The following STARD13 variants were observed in gnomAD, a reference collection of about 807,000 sequenced individuals.
STARD13 encodes the protein stAR-related lipid transfer protein 13.
Under a neutral mutation model 106.4 loss-of-function variants are expected in STARD13, and 62 were observed. The observed-to-expected ratio is 0.58, with a 90% confidence interval of 0.48 to 0.72. The LOEUF (loss-of-function observed/expected upper bound fraction) is 0.72. Ranked by LOEUF, STARD13 falls within the 30% of genes least tolerant of loss-of-function variation. STARD13 has a pLI of 0.00. For synonymous variants in STARD13, 565 were observed against 553.0 expected (o/e 1.02, Z -0.31); for missense variants, 1,387 against 1,424.0 (o/e 0.97, Z 0.42).
chr13:33,198,803 A>G (rs1434593918), intron 1 of STARD13, among the ~76,000 whole-genome samples: 6 of 152,200 alleles, frequency 3.9e-5, no homozygotes, highest in Non-Finnish European at 5.9e-5. Context: ...ATGGACCTAT[A>G]AATGGTGCTA....
At chr13:33,483,977 ATAAAGTG>A in the STARD13 span, among the ~76,000 whole-genome samples, 1 of 152,266 alleles carries the variant, frequency 6.6e-6, no homozygotes, top group Non-Finnish European at 1.5e-5. Flanking sequence ...TCAGATTTAT[ATAAAGTG>A]TAAAAATTAT....
At chr13:33,184,996 A>C (rs1885613767) in intron 1 of STARD13, among the ~76,000 whole-genome samples, 1 of 152,240 alleles carries the variant, frequency 6.6e-6, no homozygotes, top group African/African-American at 2.4e-5. Flanking sequence ...ATGCTCCAAG[A>C]AAATGCACTG....
At chr13:33,638,130 A>G in the STARD13 span, among the ~76,000 whole-genome samples, 1 of 152,236 alleles carries the variant, frequency 6.6e-6, no homozygotes, top group Admixed American at 6.5e-5. Flanking sequence ...GGCCCATGAC[A>G]GAGCCCTGGC....
the STARD13 span, among the ~76,000 whole-genome samples, chr13:33,525,155 G>A: frequency 6.6e-6 from 1 of 151,840 alleles, no homozygotes; most frequent in East Asian, 1.9e-4. Flanking sequence ...CCCAGTAGCT[G>A]GTATTAAAGG....
intron 1 of STARD13, among the ~76,000 whole-genome samples, chr13:33,300,540 A>G (rs757521528): frequency 6.6e-6 from 1 of 152,226 alleles, no homozygotes; most frequent in Non-Finnish European, 1.5e-5. Context: ...CTGCAGGATC[A>G]GTCCAACCTT....
At chr13:33,188,426 A>C (rs931289350) in intron 1 of STARD13, among the ~76,000 whole-genome samples, 1 of 152,198 alleles carries the variant, frequency 6.6e-6, no homozygotes, top group African/African-American at 2.4e-5. Context: ...AAAAATTAAA[A>C]TGGACACAGA....
At chr13:33,584,840 A>G in the STARD13 span, among the ~76,000 whole-genome samples, 2 of 151,852 alleles carry the variant, frequency 1.3e-5, no homozygotes, top group Admixed American at 6.6e-5. Flanking sequence ...GTGAATTATC[A>G]TGAGATTCAG....
the STARD13 span, among the ~76,000 whole-genome samples, chr13:33,424,807 C>T: frequency 2.2e-4 from 34 of 152,194 alleles, no homozygotes; most frequent in African/African-American, 8.0e-4. Context: ...TCCAATTCAT[C>T]TTGTAACTTA....
chr13:33,152,010 T>A (rs1222568018), intron 3 of STARD13, among the ~76,000 whole-genome samples: 1 of 151,698 alleles, frequency 6.6e-6, no homozygotes, highest in Non-Finnish European at 1.5e-5. Context: ...GGAGCTAAGA[T>A]ATGGGGGAGA....
intron 1 of STARD13, among the ~76,000 whole-genome samples, chr13:33,284,663 G>A (rs1340354584): frequency 6.6e-6 from 1 of 151,902 alleles, no homozygotes; most frequent in Non-Finnish European, 1.5e-5. Context: ...GTGTGTTAGG[G>A]GCTTCTTAGG....
the STARD13 span, among the ~76,000 whole-genome samples, chr13:33,540,750 G>A: frequency 6.6e-6 from 1 of 152,216 alleles, no homozygotes; most frequent in Admixed American, 6.5e-5. Flanking sequence ...GTGAGGCAAA[G>A]TCATTAGTTG....
At chr13:33,654,722 G>A in the STARD13 span, 1 of 152,204 alleles carries the variant, frequency 6.6e-6, no homozygotes. Context: ...CTTCTGCCAT[G>A]GTGCAGAAGC....
intron 1 of STARD13, among the ~76,000 whole-genome samples, chr13:33,270,247 A>AAAAAC (rs1891092990): frequency 1.3e-5 from 2 of 152,138 alleles, no homozygotes; most frequent in South Asian, 2.1e-4. Flanking sequence ...AACAAAACAA[A>AAAAAC]AAAACAAAAC....
At chr13:33,477,984 T>C in the STARD13 span, among the ~76,000 whole-genome samples, 3 of 151,090 alleles carry the variant, frequency 2.0e-5, no homozygotes, top group Non-Finnish European at 4.4e-5. Flanking sequence ...GACCCCTCAT[T>C]CATCATGACT....
the STARD13 span, among the ~76,000 whole-genome samples, chr13:33,636,365 G>A: frequency 9.9e-5 from 15 of 152,108 alleles, no homozygotes; most frequent in East Asian, 1.4e-3. Context: ...AGCTTTTCTC[G>A]CCATGACTCT....
the STARD13 span, among the ~76,000 whole-genome samples, chr13:33,662,872 C>G: frequency 6.6e-6 from 1 of 152,102 alleles, no homozygotes; most frequent in Non-Finnish European, 1.5e-5. Flanking sequence ...AATACGCTCT[C>G]CCTAAAAAAA....
At chr13:33,321,144 G>C (rs1239920052) in intron 1 of STARD13, among the ~76,000 whole-genome samples, 1 of 152,038 alleles carries the variant, frequency 6.6e-6, no homozygotes, top group Non-Finnish European at 1.5e-5. Flanking sequence ...CGCCCCCTTT[G>C]TTCTTTTGTA....
chr13:33,145,045 T>C (rs1267169477), intron 3 of STARD13, among the ~76,000 whole-genome samples: 3 of 152,194 alleles, frequency 2.0e-5, no homozygotes, highest in Non-Finnish European at 2.9e-5. Flanking sequence ...TAGCTCTGGG[T>C]CCTTTTATTG....
At chr13:33,411,424 G>A in the STARD13 span, among the ~76,000 whole-genome samples, 1 of 152,108 alleles carries the variant, frequency 6.6e-6, no homozygotes, top group African/African-American at 2.4e-5. Context: ...ACCATAGCCT[G>A]CTCAAATGCA....
Sources: allele counts gnomAD v4.1 joint callset (sites outside exome capture counted in the v4.1 genomes callset), GRCh38; gene constraint gnomAD v4.1.1; transcripts MANE v1.5; gene names NCBI Gene and HGNC (gene_info 2026-07-23, HGNC 2026-07-21).